Variants in CPXM2 observed in about 807,000 individuals in gnomAD.
CPXM2 encodes inactive carboxypeptidase-like protein X2.
CPXM2 carries 66 observed loss-of-function variants against 86.1 expected under a neutral mutation model. That is an observed-to-expected ratio of 0.77 (90% CI 0.63 to 0.94). The LOEUF (loss-of-function observed/expected upper bound fraction) is 0.94. CPXM2 is among the 40% of genes least tolerant of loss of function. CPXM2 has a pLI of 0.00. For missense variants in CPXM2, 948 were observed against 1,026.3 expected (o/e 0.92, Z 1.04); for synonymous variants, 388 against 400.2 (o/e 0.97, Z 0.36).
At chr10:123,763,084 G>C (rs1199638138) in intron 10 of CPXM2, among the ~76,000 whole-genome samples, 1 of 152,142 alleles carries the variant, frequency 6.6e-6, no homozygotes, top group Non-Finnish European at 1.5e-5. Context: ...TCTGTGGCCA[G>C]GCTGGAGTGC....
chr10:123,828,639 TG>T (rs1848096098), intron 4 of CPXM2, among the ~76,000 whole-genome samples: 2 of 152,220 alleles, frequency 1.3e-5, no homozygotes, highest in Admixed American at 1.3e-4. Context: ...CTGGTTTCTC[TG>T]GTATGTCTTT....
At chr10:123,791,007 T>A (rs1847195226) in intron 6 of CPXM2, among the ~76,000 whole-genome samples, 1 of 152,026 alleles carries the variant, frequency 6.6e-6, no homozygotes, top group South Asian at 2.1e-4. Context: ...TGGGAGACAG[T>A]AAGTTAAAGC....
At chr10:123,880,436 G>C in intron 1 of CPXM2, 127 bp from the exon 2 acceptor site, 2 of 630,490 alleles carry the variant, frequency 3.2e-6, no homozygotes, top group South Asian at 3.8e-5. Flanking sequence ...CCTAAAGATG[G>C]GGTCTTGGAC....
chr10:123,904,698 C>T (rs1244259360), intron 2 of CPXM2, among the ~76,000 whole-genome samples: 3 of 152,186 alleles, frequency 2.0e-5, no homozygotes, highest in Non-Finnish European at 4.4e-5. Flanking sequence ...CTCCCTGTCA[C>T]TTCTGCTATT....
chr10:123,805,392 T>C (rs1376842753), intron 4 of CPXM2, among the ~76,000 whole-genome samples: 1 of 152,136 alleles, frequency 6.6e-6, no homozygotes, highest in Non-Finnish European at 1.5e-5. Flanking sequence ...TAAATTTCGA[T>C]AGGTCATATA....
intron 10 of CPXM2, among the ~76,000 whole-genome samples, chr10:123,765,332 T>C (rs955687640): frequency 2.6e-5 from 4 of 152,246 alleles, no homozygotes; most frequent in African/African-American, 4.8e-5. Context: ...GATGATAGAA[T>C]TGTGTAATTC....
intron 13 of CPXM2, among the ~76,000 whole-genome samples, chr10:123,753,604 G>C (rs1337747703): frequency 6.6e-6 from 1 of 152,232 alleles, no homozygotes; most frequent in Non-Finnish European, 1.5e-5. Context: ...GCATGTATGA[G>C]CGTTCTTTGA....
At chr10:123,925,438 G>A (rs554124141) in intron 2 of CPXM2, among the ~76,000 whole-genome samples, 7 of 152,288 alleles carry the variant, frequency 4.6e-5, no homozygotes, top group South Asian at 4.1e-4. Context: ...ACACATTGCC[G>A]TCTTGATTGC....
At chr10:123,828,121 T>C (rs61863827) in intron 4 of CPXM2, among the ~76,000 whole-genome samples, 2,765 of 151,924 alleles carry the variant, frequency 0.018, 32 homozygotes, top group Non-Finnish European at 0.027. Flanking sequence ...CAGTGAGTCA[T>C]GATTGTGCCA....
intron 8 of CPXM2, among the ~76,000 whole-genome samples, chr10:123,770,666 G>A (rs17106014): frequency 0.011 from 1,617 of 152,300 alleles, 34 homozygotes; most frequent in African/African-American, 0.036. Flanking sequence ...AGAGGTGGAC[G>A]ACAGAGAATG....
intron 6 of CPXM2, among the ~76,000 whole-genome samples, chr10:123,784,458 C>T (rs1847004999): frequency 6.6e-6 from 1 of 152,088 alleles, no homozygotes; most frequent in Non-Finnish European, 1.5e-5. Context: ...ACATCTCTGC[C>T]TCCTCACCCC....
chr10:123,942,190 A>C (rs1035269791), upstream of CPXM2, among the ~76,000 whole-genome samples: 1 of 152,156 alleles, frequency 6.6e-6, no homozygotes, highest in African/African-American at 2.4e-5. Context: ...CCAGCTTTGG[A>C]TCTATAGTCA....
intron 2 of CPXM2, among the ~76,000 whole-genome samples, chr10:123,866,849 A>T (rs35019835): frequency 0.21 from 32,018 of 152,256 alleles, 3,736 homozygotes; most frequent in Non-Finnish European, 0.27. Flanking sequence ...ACAGCAGTAA[A>T]GTCAGCTTCA....
At position 123,842,334 on chromosome 10, in the gene CPXM2, T is replaced by A; in HGVS notation, c.653+15A>T. The A allele has an allele frequency of 1.2e-6, 2 of 1,614,156 alleles. No homozygotes were observed. Among genetic ancestry groups the A allele is most frequent in the East Asian group, 4.5e-5 (2 of 44,892 alleles). ...CAAAACAGGGTCCAGAAAGCATATG[T>A]CCAGGTACACTCACAGCCAGAGGGA... On this transcript the variant is annotated intron_variant, in intron 4 of 13. Transcript: ENST00000241305.
At chr10:123,758,287 G>A (rs1846260324) in intron 11 of CPXM2, among the ~76,000 whole-genome samples, 1 of 152,152 alleles carries the variant, frequency 6.6e-6, no homozygotes. Context: ...AAATCAAGGT[G>A]TCTGTGGTCC....
chr10:123,934,054 G>T (rs2134289232), intron 2 of CPXM2, among the ~76,000 whole-genome samples: 1 of 152,250 alleles, frequency 6.6e-6, no homozygotes, highest in East Asian at 1.9e-4. Context: ...GCCGGGGTAA[G>T]TCCTCTTCAC....
intron 2 of CPXM2, among the ~76,000 whole-genome samples, chr10:123,932,986 C>G (rs1945680446): frequency 6.6e-6 from 1 of 152,206 alleles, no homozygotes; most frequent in Non-Finnish European, 1.5e-5. Flanking sequence ...CTGCTGTCCA[C>G]TAGAGTTGGG....
intron 2 of CPXM2, among the ~76,000 whole-genome samples, chr10:123,912,944 C>G (rs1283901522): frequency 6.6e-6 from 1 of 152,186 alleles, no homozygotes; most frequent in Non-Finnish European, 1.5e-5. Flanking sequence ...AGTCATACTC[C>G]AGACTCCTCC....
At position 123,785,071 on chromosome 10, in the gene CPXM2, G is replaced by C. The variant is rs183131337; in HGVS notation, c.890-4816C>G. Among the ~76,000 whole-genome samples the C allele has an allele frequency of 4.1e-3, 624 of 152,304 alleles. 4 individuals carry two copies. The highest frequency in any genetic ancestry group is 0.015 in the African/African-American group (604 of 41,560). On this transcript the variant is annotated intron_variant, in intron 6 of 13. Transcript: ENST00000241305. ...TAGAAAATTCTGTAATGAGGCTCTT[G>C]AGCCCCTATGCTCAGGCCCACCCCC...
Sources: gnomAD v4.1 joint callset for allele counts (sites outside exome capture counted in the v4.1 genomes callset) on GRCh38, gnomAD v4.1.1 for gene constraint, MANE v1.5 for transcripts, NCBI Gene and HGNC (gene_info 2026-07-23, HGNC 2026-07-21) for gene names.